Variants in LRIG3 observed in about 807,000 individuals in gnomAD.
LRIG3 encodes the protein leucine-rich repeats and immunoglobulin-like domains protein 3.
A neutral mutation model predicts 114.5 loss-of-function variants in LRIG3; 76 were observed. That is an observed-to-expected ratio of 0.66 (90% CI 0.55 to 0.80). The LOEUF (loss-of-function observed/expected upper bound fraction) is 0.80. Among genes scored for constraint, LRIG3 ranks in the 30% least tolerant of loss-of-function variants. The probability of loss-of-function intolerance (pLI) is 0.00; values close to 1 mark genes in which losing one functional copy is unlikely to be tolerated. For missense variants in LRIG3, 1,239 were observed against 1,382.8 expected (o/e 0.90, Z 1.65); for synonymous variants, 512 against 519.8 (o/e 0.98, Z 0.20).
chr12:58,891,458 T>C (rs753987944), intron 3 of LRIG3, among the ~76,000 whole-genome samples: 3 of 152,198 alleles, frequency 2.0e-5, no homozygotes, highest in African/African-American at 7.2e-5. Context: ...GTATACGAAA[T>C]GCCTAACACC....
chr12:58,886,941 G>T, intron 8 of LRIG3, 51 bp from the exon 9 acceptor site: 1 of 1,410,924 alleles, frequency 7.1e-7, no homozygotes, highest in Non-Finnish European at 9.9e-7. Context: ...AGAAAGCCTA[G>T]TATCACCACC....
intron 18 of LRIG3, 172 bp downstream of exon 18, chr12:58,873,883 C>T (rs148393921): frequency 7.0e-6 from 5 of 718,638 alleles, no homozygotes; most frequent in Non-Finnish European, 9.4e-6. Context: ...AGTAAAATCC[C>T]ACCTCTGACT....
At position 58,877,871 on chromosome 12, in the gene LRIG3, C is replaced by T. The variant is rs750440469; in HGVS notation, c.2084-19G>A. On this transcript the variant is annotated intron_variant, in intron 14 of 18. Transcript: ENST00000320743. Reference sequence around the variant, plus strand: ...GGTGTTTCTGAAATAACAAGTTATGCTTTTAATTTCCCAAATAAAATTTAG... The same window carrying T: ...GGTGTTTCTGAAATAACAAGTTATGTTTTTAATTTCCCAAATAAAATTTAG... The T allele has an allele frequency of 1.6e-5, 26 of 1,577,774 alleles. No homozygotes were observed. Among genetic ancestry groups the T allele is most frequent in the Admixed American group, 1.8e-5 (1 of 55,166 alleles).
Position 58,888,389 on chromosome 12 carries a change from TGGCTGAGATGAA to T in LRIG3, c.875_886del (p.Leu292_Ser295del), listed in dbSNP as rs1246230468. 6 of 1,613,816 alleles carry T rather than the reference TGGCTGAGATGAA, an allele frequency of 3.7e-6. No homozygotes were observed. Among genetic ancestry groups the T allele is most frequent in the Non-Finnish European group, 5.1e-6 (6 of 1,179,890 alleles). ...AGGGCTGATCCTGTTGATGGCATTT[TGGCTGAGATGAA>T]GTTCCTGCAGCATCAGCAAGCCGTA... On this transcript the variant is annotated inframe_deletion, in exon 7 of 19. Transcript: ENST00000320743.
chr12:58,908,623 AATT>A (rs534869817), intron 3 of LRIG3, among the ~76,000 whole-genome samples: 326 of 152,210 alleles, frequency 2.1e-3, no homozygotes, highest in African/African-American at 7.3e-3. Context: ...CTATTGTCAG[AATT>A]ATTATTATTT....
rs1370910641 is a variant in LRIG3 at position 58,890,211 on chromosome 12, TAGA to T, written c.516-75_516-73del. 42 of 1,510,238 alleles carry T rather than the reference TAGA, an allele frequency of 2.8e-5. No homozygotes were observed. The East Asian group carries it at 6.6e-4, about 24-fold the overall frequency. 93.6% of individuals were successfully genotyped at this position (1,510,238 alleles called of 1,614,324 possible). ...GTTAAAGTGCAGGCCATCTCTGTAT[TAGA>T]AGGAGTCTCCAGAGAACTTAACCAT... On this transcript the variant is annotated intron_variant, in intron 4 of 18. Coordinates refer to ENST00000320743, the MANE Select transcript of LRIG3 (RefSeq NM_153377.5).
rs192178769 is a variant in LRIG3, at chr12:58,887,777, C to T, written c.1091+12G>A. 1.4e-4 allele frequency: 228 copies of T among 1,611,726 alleles called. 1 individual carries two copies. Among genetic ancestry groups the T allele is most frequent in the South Asian group, 1.8e-4 (16 of 90,914 alleles). On this transcript the variant is annotated intron_variant, in intron 8 of 18. Coordinates refer to ENST00000320743, the MANE Select transcript of LRIG3 (RefSeq NM_153377.5). ...TTACGTTCGAGTACTGACAGCAAAA[C>T]GTGTAACTTACAAAGTCTTTAAACT...
chr12:58,892,823 A>G (rs1243958387), intron 3 of LRIG3, among the ~76,000 whole-genome samples: 1 of 152,234 alleles, frequency 6.6e-6, no homozygotes, highest in African/African-American at 2.4e-5. Flanking sequence ...AGCCAGCTCA[A>G]AGAACAAGTC....
At chr12:58,882,724 C>A in intron 12 of LRIG3, 145 bp downstream of exon 12, 1 of 785,038 alleles carries the variant, frequency 1.3e-6, no homozygotes, top group Non-Finnish European at 1.8e-6. Flanking sequence ...AAATAATCAG[C>A]AAACTATAGA....
intron 3 of LRIG3, among the ~76,000 whole-genome samples, chr12:58,901,684 A>G (rs1207133326): frequency 6.6e-6 from 1 of 152,242 alleles, no homozygotes; most frequent in Non-Finnish European, 1.5e-5. Flanking sequence ...GGAATGCTTT[A>G]AGAAAATCTC....
In LRIG3 at chr12:58,887,853, C is replaced by G. The variant is rs1488775614; in HGVS notation, c.1027G>C (p.Gly343Arg). 1 of 1,613,802 alleles carries G rather than the reference C, an allele frequency of 6.2e-7. No homozygotes were observed. Among genetic ancestry groups the G allele is most frequent in the Non-Finnish European group, 8.5e-7 (1 of 1,179,836 alleles). The stretch of plus-strand genomic sequence containing the variant: ...GCAATGTAGCTGACTCTGTTGTTCC[C>G]AATGTGCAGTGTATTTAGTAAGCTT... ...GLSLLNTLHI[G>R]NNRVSYIADC... Residue 343 changes from glycine (G) to arginine (R), a missense_variant, in exon 8 of 19, where the codon GGG becomes CGG. Transcript: ENST00000320743.
Position 58,920,217 on chromosome 12 carries a change from G to T in LRIG3, c.19C>A (p.Arg7Ser). 12 of 1,392,948 alleles carry T rather than the reference G, an allele frequency of 8.6e-6. No homozygotes were observed. Among genetic ancestry groups the T allele is most frequent in the Non-Finnish European group, 1.1e-5 (12 of 1,084,324 alleles). The allele number at this position is 1,392,948 out of a possible 1,614,324, so 86.3% of individuals were successfully genotyped here. MSAPSL[R>S]ARAAGLGLLL... ...AGCCCCAACCCCGCGGCGCGCGCAC[G>T]GAGGCTCGGCGCGCTCATCGCGGTC... The change falls in exon 1 of 19, where the codon CGT (arginine) becomes AGT (serine). Residue 7 changes from arginine (R) to serine (S), a missense_variant. Arg to Ser is a moderately radical substitution (Grantham distance 110). Coordinates refer to ENST00000320743, the MANE Select transcript of LRIG3 (RefSeq NM_153377.5).
Position 58,872,377 on chromosome 12 carries a change from G to C in LRIG3, c.*195C>G. On this transcript the variant is annotated 3_prime_UTR_variant, in exon 19 of 19. Coordinates refer to ENST00000320743, the MANE Select transcript of LRIG3 (RefSeq NM_153377.5). The stretch of plus-strand genomic sequence containing the variant: ...ACAAAGTTAAAAAATAGTTTAAAAA[G>C]GTATTCTTATATGAGCATCATTCCC... 1 of 414,860 alleles carries C rather than the reference G, an allele frequency of 2.4e-6. No individual in the cohort carries two copies. Among genetic ancestry groups the C allele is most frequent in the Non-Finnish European group, 4.0e-6 (1 of 247,628 alleles). The allele number at this position is 414,860 out of a possible 1,614,324, so 25.7% of individuals were successfully genotyped here. A position where few individuals can be genotyped will look rare whatever the true frequency, so the allele number is the denominator to read the frequency against.
chr12:58,914,497 A>C, intron 1 of LRIG3, 161 bp from the exon 2 acceptor site: 1 of 564,052 alleles, frequency 1.8e-6, no homozygotes, highest in Non-Finnish European at 3.1e-6. Context: ...AAACTCAAAA[A>C]TACAAGCTCC....
At chr12:58,913,437 T>G (rs1485415965) in intron 3 of LRIG3, 4 of 152,304 alleles carry the variant, frequency 2.6e-5, no homozygotes, top group Non-Finnish European at 5.9e-5. Context: ...AAACTCATAT[T>G]TGCAAAACAA....
rs558885178 is a variant in LRIG3 at position 58,878,224 on chromosome 12, G to A, written c.2084-372C>T. On this transcript the variant is annotated intron_variant, in intron 14 of 18. Coordinates refer to ENST00000320743, the MANE Select transcript of LRIG3 (RefSeq NM_153377.5). ...AAATAAAAAAAATCAGAATGCTTAAGTTTTTTAAGTGAAACTTTTTAGGGC... is the reference window on the plus strand; with the variant it reads ...AAATAAAAAAAATCAGAATGCTTAAATTTTTTAAGTGAAACTTTTTAGGGC... 9.6e-4 allele frequency among the ~76,000 whole-genome samples: 146 copies of A among 152,234 alleles called. 1 individual carries two copies. Among genetic ancestry groups the A allele is most frequent in the Non-Finnish European group, 7.2e-4 (49 of 68,002 alleles).
At chr12:58,892,066 A>G (rs1348417165) in intron 3 of LRIG3, among the ~76,000 whole-genome samples, 3 of 152,176 alleles carry the variant, frequency 2.0e-5, no homozygotes, top group Non-Finnish European at 2.9e-5. Flanking sequence ...AAGTCATTTC[A>G]AAGTTCTTCA....
At chr12:58,893,250 T>C (rs1265677940) in intron 3 of LRIG3, among the ~76,000 whole-genome samples, 1 of 152,240 alleles carries the variant, frequency 6.6e-6, no homozygotes, top group African/African-American at 2.4e-5. Flanking sequence ...CGAAATAGTG[T>C]TAAAACTCTT....
In LRIG3 at chr12:58,902,386, T is replaced by C. The variant is rs114193591; in HGVS notation, c.384-11590A>G. Among the ~76,000 whole-genome samples the C allele has an allele frequency of 9.4e-3, 1,425 of 152,250 alleles. 21 individuals are homozygous for C. The highest frequency in any genetic ancestry group is 0.031 in the African/African-American group (1,304 of 41,540). The stretch of plus-strand genomic sequence containing the variant: ...AGTCGGAGAATGTCTACTATGTTTA[T>C]CCTACCCTGTATGGTACCTGCAGCA... On this transcript the variant is annotated intron_variant, in intron 3 of 18. Transcript: ENST00000320743.
Sources: allele counts gnomAD v4.1 joint callset (sites outside exome capture counted in the v4.1 genomes callset), GRCh38; gene constraint gnomAD v4.1.1; transcripts MANE v1.5; gene names NCBI Gene and HGNC (gene_info 2026-07-23, HGNC 2026-07-21).